Variants in WDR31 observed in about 807,000 individuals in gnomAD.
The protein encoded by WDR31 is WD repeat-containing protein 31.
In WDR31, 30 loss-of-function variants were observed where a neutral mutation model predicts 47.3. The ratio of observed to expected loss-of-function variants is 0.63; its 90% CI spans 0.47 to 0.86. The LOEUF (loss-of-function observed/expected upper bound fraction) is 0.86. WDR31 is among the 40% of genes least tolerant of loss of function. The pLI, the probability that WDR31 is intolerant of heterozygous loss-of-function variation, is 0.00. For missense variants in WDR31, 406 were observed against 442.9 expected, an observed-to-expected ratio of 0.92 and a Z score of 0.75; for synonymous variants, 137 against 159.4, an observed-to-expected ratio of 0.86 and a Z score of 1.06.
At chr9:113,321,067 T>G (rs1422156479) in intron 8 of WDR31, among the ~76,000 whole-genome samples, 2 of 152,230 alleles carry the variant, frequency 1.3e-5, no homozygotes, top group Non-Finnish European at 2.9e-5. Flanking sequence ...GTCTAAGAAC[T>G]ATTGGCTTTA....
Position 113,329,045 on chromosome 9 carries a change from C to T in WDR31, c.250-90G>A, listed in dbSNP as rs147499930. 60 of 1,200,404 alleles carry T rather than the reference C, an allele frequency of 5.0e-5. No individual in the cohort carries two copies. In the African/African-American group the frequency reaches 8.2e-4, roughly 16 times the overall value. 74.4% of individuals were successfully genotyped at this position (1,200,404 alleles called of 1,614,324 possible). On this transcript the variant is annotated intron_variant, in intron 4 of 10. Transcript: ENST00000374193. ...GCATTCTCACCTTACTTTCTCCCTC[C>T]TCACTCACTCCCTCTCTGCTCAGGA...
intron 2 of WDR31, among the ~76,000 whole-genome samples, chr9:113,336,048 T>C (rs1436808599): frequency 6.6e-6 from 1 of 152,240 alleles, no homozygotes; most frequent in African/African-American, 2.4e-5. Flanking sequence ...GTTTGGGATG[T>C]GGTATTGTTT....
At position 113,314,958 on chromosome 9, in the gene WDR31, C is replaced by T. The variant is rs34294772; in HGVS notation, c.*1791G>A. The T allele has an allele frequency of 0.059, 9,019 of 152,232 alleles. 455 individuals carry two copies. The highest frequency in any genetic ancestry group is 0.17 in the South Asian group (807 of 4,822). 9.4% of individuals were successfully genotyped at this position (152,232 alleles called of 1,614,324 possible). A position where few individuals can be genotyped will look rare whatever the true frequency, so the allele number is the denominator to read the frequency against. On this transcript the variant is annotated 3_prime_UTR_variant, in exon 11 of 11. Transcript: ENST00000374193. ...TAGCTATGTCCAGTCTTCAGAACAG[C>T]CCTGTGGCGAGGTATGATCATGAAA...
chr9:113,326,177 C>T (rs796212171), intron 5 of WDR31, among the ~76,000 whole-genome samples: 2 of 152,304 alleles, frequency 1.3e-5, no homozygotes, highest in African/African-American at 4.8e-5. Flanking sequence ...TCCCAAAATG[C>T]TGGGATTACA....
rs961069492 is a variant in WDR31, at chr9:113,314,255, C to T, written c.*2494G>A. On this transcript the variant is annotated 3_prime_UTR_variant, in exon 11 of 11. Coordinates refer to ENST00000374193, the MANE Select transcript of WDR31 (RefSeq NM_001012361.4). ...TTTGAGATAGAGTCTCTCTCTGTTG[C>T]CTAGGCTGGAGTGCAATGGCACAAT... 1 of 149,464 alleles carries T rather than the reference C, an allele frequency of 6.7e-6. No individual in the cohort carries two copies. The highest frequency in any genetic ancestry group is 2.2e-4 in the South Asian group (1 of 4,622). 9.3% of individuals were successfully genotyped at this position (149,464 alleles called of 1,614,324 possible). A position where few individuals can be genotyped will look rare whatever the true frequency, so the allele number is the denominator to read the frequency against.
intron 8 of WDR31, 26 bp from the exon 9 acceptor site, chr9:113,320,524 A>T: frequency 6.2e-7 from 1 of 1,608,124 alleles, no homozygotes; most frequent in Non-Finnish European, 8.5e-7. Flanking sequence ...GCAGGAAATT[A>T]GCTTGTAGTA....
intron 5 of WDR31, among the ~76,000 whole-genome samples, chr9:113,327,446 C>T: frequency 6.7e-6 from 1 of 150,336 alleles, no homozygotes; most frequent in East Asian, 2.0e-4. Context: ...CACACACGTG[C>T]ACACACACAC....
rs887719964 is a variant in WDR31, at chr9:113,334,030, A to G, written c.-28-1980T>C. Among the ~76,000 whole-genome samples, 10 of 145,184 alleles carry G rather than the reference A, an allele frequency of 6.9e-5. No individual in the cohort carries two copies. In the South Asian group the frequency reaches 1.9e-3, roughly 28 times the overall value. ...TCCTTCTCCTTTCTTTTTTTTTGAG[A>G]CAGGGTCTCACTCTATCACCCAGGC... On this transcript the variant is annotated intron_variant, in intron 2 of 10. Coordinates refer to ENST00000374193, the MANE Select transcript of WDR31 (RefSeq NM_001012361.4).
Position 113,318,643 on chromosome 9 carries a change from A to C in WDR31, c.781-6T>G. 1 of 1,613,944 alleles carries C rather than the reference A, an allele frequency of 6.2e-7. No homozygotes were observed. Among genetic ancestry groups the C allele is most frequent in the Non-Finnish European group, 8.5e-7 (1 of 1,179,870 alleles). Reference sequence around the variant, plus strand: ...GTCTGTCTTAGGTCCCACAACTGCAAAGTAATGACATGGACCAGCTCATAG... The same window carrying C: ...GTCTGTCTTAGGTCCCACAACTGCACAGTAATGACATGGACCAGCTCATAG... On this transcript the variant is annotated splice_polypyrimidine_tract_variant and splice_region_variant and intron_variant, in intron 9 of 10. Coordinates refer to ENST00000374193, the MANE Select transcript of WDR31 (RefSeq NM_001012361.4).
chr9:113,337,239 A>G (rs1469551469), intron 1 of WDR31, among the ~76,000 whole-genome samples: 7 of 152,132 alleles, frequency 4.6e-5, no homozygotes, highest in Non-Finnish European at 1.0e-4. Flanking sequence ...TAATAACTCT[A>G]TCATTGACTT....
At chr9:113,337,787 C>T (rs763948410) in intron 1 of WDR31, among the ~76,000 whole-genome samples, 14 of 152,126 alleles carry the variant, frequency 9.2e-5, no homozygotes, top group Non-Finnish European at 2.1e-4. Context: ...TTTTGGATTT[C>T]AGGTTTTCCA....
chr9:113,329,344 T>A (rs1330711303), intron 4 of WDR31, among the ~76,000 whole-genome samples: 1 of 151,760 alleles, frequency 6.6e-6, no homozygotes, highest in East Asian at 1.9e-4. Context: ...TTTTTTTTTT[T>A]AATCTACCAT....
At chr9:113,321,676 C>G (rs1833330864) in intron 7 of WDR31, 98 bp from the exon 8 acceptor site, 2 of 1,188,642 alleles carry the variant, frequency 1.7e-6, no homozygotes, top group Non-Finnish European at 1.2e-6. Flanking sequence ...TGCCTCTTCT[C>G]AAGGATTCTG....
At position 113,318,497 on chromosome 9, in the gene WDR31, C is replaced by G. The variant is rs1478912071; in HGVS notation, c.921G>C (p.Lys307Asn). The G allele has an allele frequency of 4.3e-6, 7 of 1,614,100 alleles. No homozygotes were observed. The highest frequency in any genetic ancestry group is 1.6e-4 in the Middle Eastern group (1 of 6,084). Residue 307 changes from lysine (K) to asparagine (N), a missense_variant, in exon 10 of 11, where the codon AAG (lysine) becomes AAC (asparagine). Transcript: ENST00000374193. ...IATSSHDCKVKIWNQDTGACL... is the reference protein window; with the variant it reads ...IATSSHDCKVNIWNQDTGACL... Reference sequence around the variant, plus strand: ...TACCTCCAGTATCTTGGTTCCAAATCTTCACCTTGCAATCATGTGATGAGG... The same window carrying G: ...TACCTCCAGTATCTTGGTTCCAAATGTTCACCTTGCAATCATGTGATGAGG...
At chr9:113,321,389 A>G in intron 8 of WDR31, 122 bp downstream of exon 8, 2 of 945,296 alleles carry the variant, frequency 2.1e-6, no homozygotes, top group Admixed American at 2.3e-5. Flanking sequence ...TGAAGGGCAG[A>G]GGAACAGAAG....
Position 113,316,576 on chromosome 9 carries a change from T to C in WDR31, c.*173A>G, listed in dbSNP as rs1833205413. 1 of 756,734 alleles carries C rather than the reference T, an allele frequency of 1.3e-6. No homozygotes were observed. The highest frequency in any genetic ancestry group is 3.0e-5 in the Admixed American group (1 of 33,848). 46.9% of individuals were successfully genotyped at this position (756,734 alleles called of 1,614,324 possible). ...ATGTTTCTGGACTCTATACCTGATTTTGAATCACTGGACTTAAATTATTGG... is the reference window on the plus strand; with the variant it reads ...ATGTTTCTGGACTCTATACCTGATTCTGAATCACTGGACTTAAATTATTGG... On this transcript the variant is annotated 3_prime_UTR_variant, in exon 11 of 11. Coordinates refer to ENST00000374193, the MANE Select transcript of WDR31 (RefSeq NM_001012361.4).
rs528147082 is a variant in WDR31 at position 113,326,234 on chromosome 9, C to T, written c.324+2647G>A. ...CCCATTCACATTCTTTAATAATATA[C>T]CTTCAACTATATTATTGAGGAATGC... On this transcript the variant is annotated intron_variant, in intron 5 of 10. Transcript: ENST00000374193. Among the ~76,000 whole-genome samples the T allele has an allele frequency of 1.1e-3, 165 of 152,278 alleles. 1 individual carries two copies. The highest frequency in any genetic ancestry group is 3.7e-3 in the African/African-American group (152 of 41,556).
chr9:113,326,789 A>G (rs112587689), intron 5 of WDR31, among the ~76,000 whole-genome samples: 149 of 152,078 alleles, frequency 9.8e-4, no homozygotes, highest in Non-Finnish European at 1.8e-3. Context: ...TTACTTTTTA[A>G]TAATATTTTT....
At chr9:113,329,208 T>G (rs1833541027) in intron 4 of WDR31, among the ~76,000 whole-genome samples, 1 of 152,244 alleles carries the variant, frequency 6.6e-6, no homozygotes, top group Admixed American at 6.5e-5. Flanking sequence ...TACTGATGGG[T>G]TTGGGCTAAC....
Sources: gnomAD v4.1 joint callset for allele counts (sites outside exome capture counted in the v4.1 genomes callset) on GRCh38, gnomAD v4.1.1 for gene constraint, MANE v1.5 for transcripts, NCBI Gene and HGNC (gene_info 2026-07-23, HGNC 2026-07-21) for gene names.